The following PDK1 variants were observed in gnomAD, a reference collection of about 807,000 sequenced individuals.
The protein encoded by PDK1 is pyruvate dehydrogenase kinase 1.
In PDK1, 39 loss-of-function variants were observed where a neutral mutation model predicts 54.2. The observed-to-expected ratio is 0.72, with a 90% CI of 0.56 to 0.94. PDK1 has a LOEUF of 0.94. Ranked by LOEUF, PDK1 falls within the 40% of genes least tolerant of loss-of-function variation. The pLI is 0.00. For synonymous variants in PDK1, 221 were observed against 207.1 expected (o/e 1.07, Z -0.58); for missense variants, 552 against 566.0 (o/e 0.98, Z 0.25).
chr2:172,591,272 A>G (rs1690563241), intron 9 of PDK1, among the ~76,000 whole-genome samples: 1 of 152,214 alleles, frequency 6.6e-6, no homozygotes, highest in Non-Finnish European at 1.5e-5. Context: ...GCCCAACTCC[A>G]GAGGTTGGTA....
intron 2 of PDK1, among the ~76,000 whole-genome samples, chr2:172,560,788 C>T (rs568084801): frequency 5.3e-5 from 8 of 152,324 alleles, no homozygotes; most frequent in African/African-American, 1.9e-4. Context: ...GGTATACACT[C>T]ATGGAGCCAC....
the PDK1 span, among the ~76,000 whole-genome samples, chr2:172,705,375 C>T: frequency 5.9e-5 from 9 of 152,206 alleles, no homozygotes; most frequent in Non-Finnish European, 8.8e-5. Flanking sequence ...CCTTTTGCAT[C>T]ATTAATTCTT....
the PDK1 span, among the ~76,000 whole-genome samples, chr2:172,649,835 A>T: frequency 1.7e-3 from 264 of 152,336 alleles, no homozygotes; most frequent in African/African-American, 6.1e-3. Flanking sequence ...ATATGGGACT[A>T]TGTGAAAAGA....
chr2:172,639,529 G>A, the PDK1 span, among the ~76,000 whole-genome samples: 5 of 152,130 alleles, frequency 3.3e-5, 1 homozygote, highest in Non-Finnish European at 5.9e-5. Context: ...GCGATTAAAA[G>A]CACCTAACAT....
the PDK1 span, among the ~76,000 whole-genome samples, chr2:172,621,655 TATC>T: frequency 4.1e-5 from 6 of 148,102 alleles, no homozygotes; most frequent in Admixed American, 3.4e-4. Context: ...CATATATGTT[TATC>T]ATATATATGA....
chr2:172,698,781 G>T, the PDK1 span, among the ~76,000 whole-genome samples: 4 of 152,190 alleles, frequency 2.6e-5, no homozygotes, highest in Admixed American at 6.5e-5. Context: ...ACGTGAGGAG[G>T]TATTAAACAA....
chr2:172,648,640 T>G, the PDK1 span, among the ~76,000 whole-genome samples: 1 of 152,202 alleles, frequency 6.6e-6, no homozygotes, highest in Non-Finnish European at 1.5e-5. Context: ...ATCCTAATAC[T>G]GAGCTTTTCC....
At chr2:172,668,449 C>T in the PDK1 span, among the ~76,000 whole-genome samples, 1 of 151,970 alleles carries the variant, frequency 6.6e-6, no homozygotes, top group African/African-American at 2.4e-5. Flanking sequence ...TTATTTTTCT[C>T]GACCTAAACT....
the PDK1 span, among the ~76,000 whole-genome samples, chr2:172,695,303 G>A: frequency 6.6e-5 from 10 of 152,156 alleles, no homozygotes; most frequent in African/African-American, 1.9e-4. Context: ...GTAAGGGAAA[G>A]GGAGGGAAGA....
intron 6 of PDK1, 136 bp downstream of exon 6, chr2:172,567,069 TAAA>T (rs1340846146): frequency 6.0e-6 from 3 of 499,952 alleles, no homozygotes; most frequent in Non-Finnish European, 1.0e-5. Flanking sequence ...AGTAATCATG[TAAA>T]AAATATATCT....
the PDK1 span, among the ~76,000 whole-genome samples, chr2:172,621,645 CATAT>C: frequency 0.051 from 7,346 of 144,388 alleles, 358 homozygotes; most frequent in East Asian, 0.22. Context: ...GTTTATATAT[CATAT>C]ATGTTTATCA....
At chr2:172,684,017 G>GAATA in the PDK1 span, among the ~76,000 whole-genome samples, 34 of 152,354 alleles carry the variant, frequency 2.2e-4, no homozygotes, top group African/African-American at 7.7e-4. Flanking sequence ...TTATAGCTGA[G>GAATA]AATACCCTGG....
the PDK1 span, among the ~76,000 whole-genome samples, chr2:172,661,163 T>G: frequency 6.6e-6 from 1 of 152,094 alleles, no homozygotes; most frequent in Non-Finnish European, 1.5e-5. Context: ...TTCAGTTGAA[T>G]GTAGCTGTGC....
the PDK1 span, among the ~76,000 whole-genome samples, chr2:172,623,244 T>C: frequency 1.3e-5 from 2 of 152,060 alleles, no homozygotes; most frequent in Non-Finnish European, 2.9e-5. Context: ...TGTGATGCCA[T>C]AGTGGAGATT....
chr2:172,693,628 T>C, the PDK1 span, among the ~76,000 whole-genome samples: 1 of 152,072 alleles, frequency 6.6e-6, no homozygotes. Context: ...GGGGTCAGAG[T>C]TGGGCAGAGG....
the PDK1 span, among the ~76,000 whole-genome samples, chr2:172,642,085 G>A: frequency 6.6e-6 from 1 of 152,206 alleles, no homozygotes; most frequent in Non-Finnish European, 1.5e-5. Context: ...ATGAAAGTCA[G>A]TATTTTTGGA....
chr2:172,580,013 A>C (rs796414146), intron 8 of PDK1, among the ~76,000 whole-genome samples: 5 of 151,900 alleles, frequency 3.3e-5, no homozygotes, highest in African/African-American at 9.7e-5. Flanking sequence ...AAGAATCCTT[A>C]TTTTTAAAAT....
the PDK1 span, among the ~76,000 whole-genome samples, chr2:172,621,314 T>C: frequency 6.6e-6 from 1 of 152,102 alleles, no homozygotes; most frequent in Non-Finnish European, 1.5e-5. Context: ...TCAGTGTGGC[T>C]AGAATATAAA....
chr2:172,634,772 C>CAAAAA, the PDK1 span, among the ~76,000 whole-genome samples: 901 of 129,632 alleles, frequency 7.0e-3, 4 homozygotes, highest in African/African-American at 0.025. Context: ...TCTTAAAATG[C>CAAAAA]AAAAAAAAAA....
Sources: allele counts gnomAD v4.1 joint callset (sites outside exome capture counted in the v4.1 genomes callset), GRCh38; gene constraint gnomAD v4.1.1; transcripts MANE v1.5; gene names NCBI Gene and HGNC (gene_info 2026-07-23, HGNC 2026-07-21).